INSYN2B: variants seen among roughly 807,000 people sequenced by gnomAD.
INSYN2B encodes the protein inhibitory synaptic factor family member 2B.
INSYN2B carries 16 observed loss-of-function variants against 41.2 expected under a neutral mutation model. The ratio of observed to expected loss-of-function variants is 0.39; its 90% CI spans 0.26 to 0.59. The LOEUF (loss-of-function observed/expected upper bound fraction) is 0.59. INSYN2B is among the 20% of genes least tolerant of loss of function. The pLI, the probability that INSYN2B is intolerant of heterozygous loss-of-function variation, is 0.57. For synonymous variants in INSYN2B, 245 were observed against 244.4 expected (o/e 1.00, Z -0.02); for missense variants, 608 against 646.4 (o/e 0.94, Z 0.64).
chr5:169,961,058 T>C (rs1233831840), intron 1 of INSYN2B, among the ~76,000 whole-genome samples: 1 of 152,204 alleles, frequency 6.6e-6, no homozygotes, highest in South Asian at 2.1e-4. Flanking sequence ...AACACCCCAG[T>C]ATATTGCATG....
intron 1 of INSYN2B, among the ~76,000 whole-genome samples, chr5:169,900,936 C>T (rs540059938): frequency 6.6e-6 from 1 of 152,286 alleles, no homozygotes; most frequent in East Asian, 1.9e-4. Context: ...TGAGATACAA[C>T]TGGTGTACCA....
chr5:169,955,025 A>G (rs1776806920), intron 1 of INSYN2B, among the ~76,000 whole-genome samples: 1 of 152,236 alleles, frequency 6.6e-6, no homozygotes, highest in African/African-American at 2.4e-5. Flanking sequence ...GGATTGGAAG[A>G]GCAGTCACAG....
chr5:169,950,869 A>C (rs560959091), intron 1 of INSYN2B, among the ~76,000 whole-genome samples: 1 of 152,348 alleles, frequency 6.6e-6, no homozygotes, highest in Non-Finnish European at 1.5e-5. Context: ...AAACACTGGC[A>C]GCCCACGGGG....
At chr5:169,877,772 A>G (rs2113486057) in intron 3 of INSYN2B, among the ~76,000 whole-genome samples, 1 of 152,260 alleles carries the variant, frequency 6.6e-6, no homozygotes, top group South Asian at 2.1e-4. Context: ...TAAGGATAAG[A>G]CGAGGAGCAG....
chr5:169,871,360 C>T (rs1238379460), intron 3 of INSYN2B, among the ~76,000 whole-genome samples: 2 of 152,112 alleles, frequency 1.3e-5, no homozygotes, highest in Non-Finnish European at 2.9e-5. Context: ...GATTAGGATA[C>T]ATGGTAATTT....
chr5:169,876,259 C>T (rs1251179324), intron 3 of INSYN2B, among the ~76,000 whole-genome samples: 1 of 152,226 alleles, frequency 6.6e-6, no homozygotes, highest in African/African-American at 2.4e-5. Flanking sequence ...TCTGCAAAGT[C>T]CCTTTTGCCA....
At chr5:169,964,636 G>A (rs1037789719) in intron 1 of INSYN2B, among the ~76,000 whole-genome samples, 10 of 152,246 alleles carry the variant, frequency 6.6e-5, no homozygotes, top group Admixed American at 5.2e-4. Context: ...TAAGCCAAAA[G>A]TCAGCCCTTC....
intron 1 of INSYN2B, among the ~76,000 whole-genome samples, chr5:169,949,288 C>T (rs1776565918): frequency 6.6e-6 from 1 of 152,140 alleles, no homozygotes; most frequent in Admixed American, 6.5e-5. Flanking sequence ...TTCTTTACTT[C>T]CCAGGAGGGA....
intron 1 of INSYN2B, among the ~76,000 whole-genome samples, chr5:169,964,788 G>C (rs1777234340): frequency 6.6e-6 from 1 of 152,222 alleles, no homozygotes; most frequent in African/African-American, 2.4e-5. Flanking sequence ...GTCTTCATTT[G>C]TAAAAGGTGT....
chr5:169,876,047 C>A (rs1561786843), intron 3 of INSYN2B, among the ~76,000 whole-genome samples: 1 of 152,180 alleles, frequency 6.6e-6, no homozygotes, highest in Non-Finnish European at 1.5e-5. Flanking sequence ...GAGAAAACAT[C>A]CCTTGCCTTC....
intron 1 of INSYN2B, among the ~76,000 whole-genome samples, chr5:169,953,154 T>C (rs1776731272): frequency 6.6e-6 from 1 of 152,080 alleles, no homozygotes; most frequent in Non-Finnish European, 1.5e-5. Flanking sequence ...AAACCCTGTC[T>C]CTACTAAAAA....
chr5:169,864,175 G>A lies in INSYN2B; in HGVS notation c.*98C>T, dbSNP rs115750534. On this transcript the variant is annotated 3_prime_UTR_variant, in exon 4 of 4. Transcript: ENST00000377365. ...ACAGGCCAAGGGGCTCACAGCCCAG[G>A]GCCTTTGCAAAGAAGCAGGGCAGGC... The A allele has an allele frequency of 4.4e-4, 482 of 1,099,738 alleles. 4 individuals carry two copies. In the African/African-American group the frequency reaches 7.0e-3, roughly 16 times the overall value. 68.1% of individuals were successfully genotyped at this position (1,099,738 alleles called of 1,614,324 possible).
In INSYN2B at chr5:169,901,215, A is replaced by G. The variant is rs138456723; in HGVS notation, c.-918-16399T>C. Among the ~76,000 whole-genome samples the G allele has an allele frequency of 4.4e-4, 67 of 152,262 alleles. No individual in the cohort carries two copies. In the East Asian group the frequency reaches 0.012, roughly 27 times the overall value. On this transcript the variant is annotated intron_variant, in intron 1 of 3. Coordinates refer to ENST00000377365, the MANE Select transcript of INSYN2B (RefSeq NM_001129891.3). ...GAAAAGAGGGTGTCCAGGCAAACGA[A>G]CATTGTGCACACTGGCTCTGATGCA...
At chr5:169,937,895 C>T (rs1474413249) in intron 1 of INSYN2B, among the ~76,000 whole-genome samples, 1 of 152,206 alleles carries the variant, frequency 6.6e-6, no homozygotes, top group Non-Finnish European at 1.5e-5. Context: ...CTCCATTCTG[C>T]CTTTCCAGCC....
chr5:169,956,126 A>C (rs1581469068), intron 1 of INSYN2B, among the ~76,000 whole-genome samples: 1 of 152,132 alleles, frequency 6.6e-6, no homozygotes, highest in Middle Eastern at 3.4e-3. Flanking sequence ...TCCTTGATTA[A>C]GTCACAGCAG....
intron 1 of INSYN2B, among the ~76,000 whole-genome samples, chr5:169,960,241 T>C (rs1777031402): frequency 6.6e-6 from 1 of 152,204 alleles, no homozygotes; most frequent in African/African-American, 2.4e-5. Flanking sequence ...TGTGTATGCC[T>C]TCCATGTCAA....
chr5:169,883,486 A>G lies in INSYN2B; in HGVS notation c.413T>C (p.Leu138Pro). 6.4e-7 allele frequency: 1 copy of G among 1,551,586 alleles called. No individual in the cohort carries two copies. Among genetic ancestry groups the G allele is most frequent in the African/African-American group, 1.4e-5 (1 of 73,134 alleles). ...SQSAIQVNGN[L>P]SEQDIVSSDL... ...AGAAGACACAATGTCCTGTTCAGAGAGGTTACCGTTGACCTGGATGGCACT... is the reference window on the plus strand; with the variant it reads ...AGAAGACACAATGTCCTGTTCAGAGGGGTTACCGTTGACCTGGATGGCACT... Residue 138 changes from leucine to proline, a missense_variant, in exon 2 of 4, where the codon CTC becomes CCC. By Grantham distance (98) the Leu-to-Pro change is moderately conservative. Transcript: ENST00000377365.
intron 1 of INSYN2B, among the ~76,000 whole-genome samples, chr5:169,899,129 G>T (rs747178294): frequency 4.6e-5 from 7 of 152,194 alleles, no homozygotes; most frequent in Admixed American, 1.3e-4. Context: ...AGAGATATTA[G>T]ACATGGTGCC....
At chr5:169,952,380 G>T (rs1240564550) in intron 1 of INSYN2B, among the ~76,000 whole-genome samples, 1 of 151,994 alleles carries the variant, frequency 6.6e-6, no homozygotes, top group Non-Finnish European at 1.5e-5. Context: ...CTCCTGCTTG[G>T]TTCTCTTTCC....
Sources: gnomAD v4.1 joint callset for allele counts (sites outside exome capture counted in the v4.1 genomes callset) on GRCh38, gnomAD v4.1.1 for gene constraint, MANE v1.5 for transcripts, NCBI Gene and HGNC (gene_info 2026-07-23, HGNC 2026-07-21) for gene names.